The following TTI1 variants were observed in gnomAD, a reference collection of about 807,000 sequenced individuals.
The protein encoded by TTI1 is TELO2 interacting protein 1, also known as TELO2-interacting protein 1 homolog.
Under a neutral mutation model 85.4 loss-of-function variants are expected in TTI1, and 52 were observed. That is an observed-to-expected ratio of 0.61 (90% CI 0.49 to 0.77). The LOEUF is 0.77. Among genes scored for constraint, TTI1 ranks in the 30% least tolerant of loss-of-function variants. The probability of loss-of-function intolerance (pLI) is 0.00; values close to 1 mark genes in which losing one functional copy is unlikely to be tolerated. For missense variants in TTI1, 1,173 were observed against 1,296.0 expected (o/e 0.91, Z 1.46); for synonymous variants, 512 against 503.9 (o/e 1.02, Z -0.22).
rs139687472 is a variant in TTI1, at chr20:37,992,696, C to T, written c.3086+3679G>A. On this transcript the variant is annotated intron_variant, in intron 7 of 7. Transcript: ENST00000373447. ...TGCAAAAGCCAGGGAGTCTCAGAGT[C>T]TGCTAAGAGATTGGCCCAAGGAGTA... 4.3e-4 allele frequency among the ~76,000 whole-genome samples: 66 copies of T among 152,322 alleles called. 2 individuals carry two copies. Among genetic ancestry groups the T allele is most frequent in the African/African-American group, 1.4e-3 (60 of 41,570 alleles).
chr20:38,021,662 C>T lies in TTI1; in HGVS notation c.-41-7805G>A, dbSNP rs545195801. Among the ~76,000 whole-genome samples, 8 of 152,248 alleles carry T rather than the reference C, an allele frequency of 5.3e-5. No individual in the cohort carries two copies. The South Asian group carries it at 1.2e-3, about 24-fold the overall frequency. The stretch of plus-strand genomic sequence containing the variant: ...ATCCCTTTCTAGTTTAGTGGCCCTC[C>T]ACTGTGGTCCTGGAAAGTAGTTGGC... On this transcript the variant is annotated intron_variant, in intron 1 of 7. Coordinates refer to ENST00000373447, the MANE Select transcript of TTI1 (RefSeq NM_001303457.2).
At chr20:38,033,269 G>C (rs1023752558) in intron 1 of TTI1, 135 bp downstream of exon 1, 1 of 152,308 alleles carries the variant, frequency 6.6e-6, no homozygotes, top group Non-Finnish European at 1.5e-5. Context: ...TGCGGCCTGG[G>C]GCCCGCCAGA....
Position 38,011,643 on chromosome 20 carries a change from T to C in TTI1, c.2174A>G (p.Asn725Ser). The change falls in exon 2 of 8, where the codon AAC becomes AGC. Residue 725 changes from asparagine to serine, a missense_variant. By Grantham distance (46) the Asn-to-Ser change is conservative (BLOSUM62 1). Transcript: ENST00000373447. The stretch of plus-strand genomic sequence containing the variant: ...CAAAGGAAGCAGGTTAGCATCTGAG[T>C]TCCGCAGCATGACTTCCAGGACCTT... ...TPKVLEVMLRNSDANLLPLVA... is the reference protein window; with the variant it reads ...TPKVLEVMLRSSDANLLPLVA... The C allele has an allele frequency of 6.2e-7, 1 of 1,614,186 alleles. No individual in the cohort carries two copies. Among genetic ancestry groups the C allele is most frequent in the Non-Finnish European group, 8.5e-7 (1 of 1,180,030 alleles).
chr20:38,020,310 G>GAAAAAAAAAAAA (rs772839935), intron 1 of TTI1, among the ~76,000 whole-genome samples: 2 of 48,274 alleles, frequency 4.1e-5, no homozygotes, highest in African/African-American at 2.1e-4. Context: ...CTACTCATAT[G>GAAAAAAAAAAAA]AAAAAAAAAA....
At chr20:38,000,973 G>A (rs769895309) in intron 4 of TTI1, among the ~76,000 whole-genome samples, 2 of 152,128 alleles carry the variant, frequency 1.3e-5, no homozygotes, top group Non-Finnish European at 2.9e-5. Context: ...GTTTTGCACC[G>A]AGTAGGTACC....
chr20:37,999,043 T>C, intron 5 of TTI1, 145 bp downstream of exon 5: 1 of 997,634 alleles, frequency 1.0e-6, no homozygotes, highest in Non-Finnish European at 1.3e-6. Context: ...ACTTTCTTCT[T>C]TGTGCTTTTC....
intron 1 of TTI1, among the ~76,000 whole-genome samples, chr20:38,017,405 T>TGTGTGTGTGC: frequency 1.7e-5 from 1 of 57,742 alleles, no homozygotes; most frequent in South Asian, 6.6e-4. Context: ...ATCAATAGCT[T>TGTGTGTGTGC]GTGTGTGTGT....
chr20:38,004,554 A>C (rs2073471019), intron 3 of TTI1, among the ~76,000 whole-genome samples: 1 of 152,254 alleles, frequency 6.6e-6, no homozygotes, highest in African/African-American at 2.4e-5. Context: ...TCAAGCCAGC[A>C]CTGAGGCAAA....
At chr20:37,990,486 G>A (rs1011981707) in intron 7 of TTI1, among the ~76,000 whole-genome samples, 109 of 152,348 alleles carry the variant, frequency 7.2e-4, no homozygotes, top group African/African-American at 2.5e-3. Flanking sequence ...ACAACAATGT[G>A]AGGCCTTGGT....
chr20:38,009,514 ATTTT>A (rs113820905), intron 2 of TTI1, among the ~76,000 whole-genome samples: 1 of 148,148 alleles, frequency 6.8e-6, no homozygotes, highest in African/African-American at 2.5e-5. Context: ...TTATTTATTT[ATTTT>A]TTTTTTTGAG....
Position 38,012,709 on chromosome 20 carries a change from G to C in TTI1, c.1108C>G (p.Leu370Val), listed in dbSNP as rs145623370. 77 of 1,614,200 alleles carry C rather than the reference G, an allele frequency of 4.8e-5. No homozygotes were observed. In the African/African-American group the frequency reaches 9.3e-4, roughly 20 times the overall value. The stretch of plus-strand genomic sequence containing the variant: ...AGGCTTTCTGACAAGATGTCAGCGA[G>C]GGCTTTGTTGCCCACCACTACTTTT... ...DQKVVVGNKA[L>V]ADILSESLHS... Residue 370 changes from leucine (L) to valine (V), a missense_variant, in exon 2 of 8, where the codon CTC (leucine) becomes GTC (valine). By Grantham distance (32) the Leu-to-Val change is conservative. Coordinates refer to ENST00000373447, the MANE Select transcript of TTI1 (RefSeq NM_001303457.2).
At position 38,025,606 on chromosome 20, in the gene TTI1, CAT is replaced by C. The variant is rs1051396581; in HGVS notation, c.-42+7796_-42+7797del. On this transcript the variant is annotated intron_variant, in intron 1 of 7. Coordinates refer to ENST00000373447, the MANE Select transcript of TTI1 (RefSeq NM_001303457.2). ...GAAAAAGAAAAAAAGACAATCAACA[CAT>C]GTCAACACCAAGATGACAAAGAGAC... is the stretch of plus-strand genomic sequence containing the variant. Among the ~76,000 whole-genome samples the C allele has an allele frequency of 5.3e-5, 8 of 151,680 alleles. No individual in the cohort carries two copies. In the South Asian group the frequency reaches 8.4e-4, roughly 16 times the overall value.
At chr20:37,984,210 T>C (rs975266500) in intron 7 of TTI1, among the ~76,000 whole-genome samples, 19 of 152,214 alleles carry the variant, frequency 1.2e-4, no homozygotes, top group Admixed American at 1.1e-3. Context: ...GGAGCCCGTT[T>C]CCCCACAGGG....
intron 1 of TTI1, among the ~76,000 whole-genome samples, chr20:38,030,528 AAC>A (rs3038751): frequency 0.015 from 2,127 of 144,536 alleles, 33 homozygotes; most frequent in African/African-American, 0.046. Context: ...CAGTATGTAA[AAC>A]ACACACACAC....
chr20:38,027,528 C>G (rs1219836406), intron 1 of TTI1, among the ~76,000 whole-genome samples: 1 of 152,172 alleles, frequency 6.6e-6, no homozygotes, highest in Non-Finnish European at 1.5e-5. Context: ...GACTGGAAAC[C>G]TTACTGATAA....
chr20:38,006,062 A>G, intron 3 of TTI1, 135 bp downstream of exon 3: 1 of 975,738 alleles, frequency 1.0e-6, no homozygotes, highest in South Asian at 1.6e-5. Flanking sequence ...ACAAAACAGG[A>G]GAATAGCTAT....
intron 1 of TTI1, among the ~76,000 whole-genome samples, chr20:38,019,464 A>G (rs1568628276): frequency 6.6e-6 from 1 of 152,196 alleles, no homozygotes; most frequent in Non-Finnish European, 1.5e-5. Flanking sequence ...ATGAAGTGAT[A>G]AAATAATCTG....
intron 1 of TTI1, 122 bp from the exon 2 acceptor site, chr20:38,013,979 T>A: frequency 1.0e-6 from 1 of 979,570 alleles, no homozygotes; most frequent in Non-Finnish European, 1.5e-6. Flanking sequence ...CACAAGGCAC[T>A]AGGGGTGCAA....
rs148118567 is a variant in TTI1, at chr20:38,027,149, C to T, written c.-42+6255G>A. ...AAAGAAACAAAATATAGTCATCTCT[C>T]GGTATTCACCAGGGACTGGTTCCAA... On this transcript the variant is annotated intron_variant, in intron 1 of 7. Coordinates refer to ENST00000373447, the MANE Select transcript of TTI1 (RefSeq NM_001303457.2). 7.0e-3 allele frequency among the ~76,000 whole-genome samples: 1,059 copies of T among 152,240 alleles called. 5 individuals carry two copies. Among genetic ancestry groups the T allele is most frequent in the African/African-American group, 0.02 (838 of 41,550 alleles).
Sources: gnomAD v4.1 joint callset for allele counts (sites outside exome capture counted in the v4.1 genomes callset) on GRCh38, gnomAD v4.1.1 for gene constraint, MANE v1.5 for transcripts, NCBI Gene and HGNC (gene_info 2026-07-23, HGNC 2026-07-21) for gene names.